Variants in CD300E observed in about 807,000 individuals in gnomAD.
The protein encoded by CD300E is CMRF35-like molecule 2.
A neutral mutation model predicts 20.9 loss-of-function variants in CD300E; 14 were observed. The observed-to-expected ratio is 0.67, with a 90% CI of 0.44 to 1.05. CD300E has a LOEUF of 1.05. Ranked by LOEUF, CD300E falls within the 50% of genes least tolerant of loss-of-function variation. CD300E has a pLI of 0.00. For synonymous variants in CD300E, 102 were observed against 103.7 expected (o/e 0.98, Z 0.10); for missense variants, 237 against 253.9 (o/e 0.93, Z 0.45).
chr17:74,620,431 A>G (rs1422630381), intron 1 of CD300E, among the ~76,000 whole-genome samples: 1 of 152,174 alleles, frequency 6.6e-6, no homozygotes, highest in Non-Finnish European at 1.5e-5. Flanking sequence ...AGATCACGCC[A>G]TGCACTCTAG....
intron 1 of CD300E, chr17:74,619,108 C>A (rs1462784050): frequency 2.1e-6 from 1 of 471,294 alleles, no homozygotes; most frequent in Non-Finnish European, 4.4e-6. Flanking sequence ...TCCTCCCTTC[C>A]ACCTGCCCCC....
chr17:74,612,478 G>T lies in CD300E; in HGVS notation c.*175C>A, dbSNP rs907772634. On this transcript the variant is annotated 3_prime_UTR_variant, in exon 4 of 4. Coordinates refer to ENST00000392619, the MANE Select transcript of CD300E (RefSeq NM_181449.3). Reference sequence around the variant, plus strand: ...GAGGAGAAAGGAGGACCCCCAAGCTGCACATTGAGGACTCCAGAGGAGTGT... The same window carrying T: ...GAGGAGAAAGGAGGACCCCCAAGCTTCACATTGAGGACTCCAGAGGAGTGT... 5.3e-6 allele frequency: 4 copies of T among 751,112 alleles called. No individual in the cohort carries two copies. In the African/African-American group the frequency reaches 5.3e-5, roughly 10 times the overall value. 46.5% of individuals were successfully genotyped at this position (751,112 alleles called of 1,614,324 possible). A position where few individuals can be genotyped will look rare whatever the true frequency, so the allele number is the denominator to read the frequency against.
intron 2 of CD300E, among the ~76,000 whole-genome samples, chr17:74,614,762 G>A (rs371934079): frequency 7.2e-5 from 11 of 152,238 alleles, no homozygotes; most frequent in Middle Eastern, 3.4e-3. Flanking sequence ...GATTACAGGC[G>A]TGAGCCACCG....
chr17:74,613,022 T>A (rs969425503), intron 3 of CD300E, among the ~76,000 whole-genome samples: 4 of 151,916 alleles, frequency 2.6e-5, no homozygotes, highest in African/African-American at 9.7e-5. Context: ...CTTCCAGGAG[T>A]GCGCTCCACA....
chr17:74,617,579 G>A, intron 1 of CD300E, 114 bp from the exon 2 acceptor site: 2 of 818,046 alleles, frequency 2.4e-6, no homozygotes, highest in African/African-American at 1.7e-5. Flanking sequence ...TCCTGGGAGG[G>A]GAACCTGGAG....
chr17:74,612,694 A>T lies in CD300E; in HGVS notation c.577T>A (p.Phe193Ile), dbSNP rs1466474947. The T allele has an allele frequency of 1.2e-6, 2 of 1,613,862 alleles. No individual in the cohort carries two copies. Among genetic ancestry groups the T allele is most frequent in the Non-Finnish European group, 1.7e-6 (2 of 1,179,986 alleles). Residue 193 changes from phenylalanine to isoleucine, a missense_variant, in exon 4 of 4, where the codon TTC becomes ATC. Transcript: ENST00000392619. ...GCCCACTGAGGCCTGTTCACCCAGA[A>T]GACAGCACCCAGCATGCTCAGGAGC... is the stretch of plus-strand genomic sequence containing the variant. Reference protein sequence around the residue: ...PLLLSMLGAVFWVNRPQWAPP... With the variant: ...PLLLSMLGAVIWVNRPQWAPP...
chr17:74,613,381 C>T (rs774170315), intron 3 of CD300E, among the ~76,000 whole-genome samples: 1 of 152,228 alleles, frequency 6.6e-6, no homozygotes, highest in Non-Finnish European at 1.5e-5. Context: ...GGATTGCAGG[C>T]GTGAGCCACC....
In CD300E at chr17:74,613,916, C is replaced by A. The variant is rs202175693; in HGVS notation, c.497+9G>T. 3 of 1,604,878 alleles carry A rather than the reference C, an allele frequency of 1.9e-6. No individual in the cohort carries two copies. Among genetic ancestry groups the A allele is most frequent in the East Asian group, 4.5e-5 (2 of 44,804 alleles). Reference sequence around the variant, plus strand: ...CTCCCTCCATGGCCTCCAGGCCCTGCGTGCTTACCCTGAATTTTGGGTCAA... The same window carrying A: ...CTCCCTCCATGGCCTCCAGGCCCTGAGTGCTTACCCTGAATTTTGGGTCAA... On this transcript the variant is annotated intron_variant, in intron 3 of 3. Coordinates refer to ENST00000392619, the MANE Select transcript of CD300E (RefSeq NM_181449.3).
intron 1 of CD300E, 101 bp from the exon 2 acceptor site, chr17:74,617,566 G>A (rs2030931974): frequency 4.0e-6 from 4 of 1,011,526 alleles, no homozygotes; most frequent in African/African-American, 1.6e-5. Context: ...AGACCTGGGT[G>A]TTTCCTGGGA....
At chr17:74,613,290 A>T (rs897623186) in intron 3 of CD300E, among the ~76,000 whole-genome samples, 2 of 152,116 alleles carry the variant, frequency 1.3e-5, no homozygotes, top group African/African-American at 4.8e-5. Context: ...CGTAGTAGAG[A>T]CAGGGTTTCA....
chr17:74,622,887 A>G (rs1199455725), intron 1 of CD300E, among the ~76,000 whole-genome samples: 1 of 152,100 alleles, frequency 6.6e-6, no homozygotes, highest in African/African-American at 2.4e-5. Context: ...ACAGGCATGC[A>G]TCACCACGCC....
At chr17:74,615,052 T>C (rs1196294095) in intron 2 of CD300E, among the ~76,000 whole-genome samples, 1 of 152,080 alleles carries the variant, frequency 6.6e-6, no homozygotes, top group East Asian at 1.9e-4. Context: ...CCCCACCCCG[T>C]TGGAGGGGCA....
chr17:74,613,368 T>C (rs193175847), intron 3 of CD300E, among the ~76,000 whole-genome samples: 1 of 152,292 alleles, frequency 6.6e-6, no homozygotes, highest in East Asian at 1.9e-4. Context: ...TCCCAAACTG[T>C]TGGGATTGCA....
At chr17:74,614,383 G>A (rs762957184) in intron 2 of CD300E, among the ~76,000 whole-genome samples, 1 of 152,120 alleles carries the variant, frequency 6.6e-6, no homozygotes, top group Non-Finnish European at 1.5e-5. Context: ...GGAGGGGAAG[G>A]AGGAGTCTAA....
At chr17:74,614,142 G>A in intron 2 of CD300E, 109 bp from the exon 3 acceptor site, 2 of 898,986 alleles carry the variant, frequency 2.2e-6, no homozygotes, top group African/African-American at 3.3e-5. Flanking sequence ...AGGCTGGAAA[G>A]ATCTTCTGAA....
chr17:74,616,162 G>C (rs2030894853), intron 2 of CD300E, among the ~76,000 whole-genome samples: 1 of 152,134 alleles, frequency 6.6e-6, no homozygotes, highest in African/African-American at 2.4e-5. Context: ...GAACGGGAGT[G>C]ATGGGGGCAA....
In CD300E at chr17:74,612,110, T is replaced by C. The variant is rs1230289313; in HGVS notation, c.*543A>G. The C allele has an allele frequency of 2.0e-5, 3 of 152,654 alleles. No homozygotes were observed. The highest frequency in any genetic ancestry group is 7.2e-5 in the African/African-American group (3 of 41,552). 9.5% of individuals were successfully genotyped at this position (152,654 alleles called of 1,614,324 possible). On this transcript the variant is annotated 3_prime_UTR_variant, in exon 4 of 4. Coordinates refer to ENST00000392619, the MANE Select transcript of CD300E (RefSeq NM_181449.3). ...TGCAGGAAGGAGGTAGTTATTGCCC[T>C]GGGGGAAACTGGCCTGAGAAGCATT...
intron 1 of CD300E, among the ~76,000 whole-genome samples, chr17:74,622,077 T>C (rs1271221548): frequency 1.3e-5 from 2 of 151,960 alleles, no homozygotes; most frequent in African/African-American, 4.8e-5. Context: ...GCACTGGGAT[T>C]ACAGGTGTGA....
chr17:74,610,025 T>G lies in CD300E; in HGVS notation c.*2628A>C, dbSNP rs1389356532. 1 of 152,336 alleles carries G rather than the reference T, an allele frequency of 6.6e-6. No individual in the cohort carries two copies. The highest frequency in any genetic ancestry group is 1.5e-5 in the Non-Finnish European group (1 of 68,050). 9.4% of individuals were successfully genotyped at this position (152,336 alleles called of 1,614,324 possible). ...CTGTTTGTTTCTCCTGCACCTGCTG[T>G]CTGCCATCTGTCTACTCTTTCTTAA... On this transcript the variant is annotated 3_prime_UTR_variant, in exon 4 of 4. Coordinates refer to ENST00000392619, the MANE Select transcript of CD300E (RefSeq NM_181449.3).
Sources: gnomAD v4.1 joint callset for allele counts (sites outside exome capture counted in the v4.1 genomes callset) on GRCh38, gnomAD v4.1.1 for gene constraint, MANE v1.5 for transcripts, NCBI Gene and HGNC (gene_info 2026-07-23, HGNC 2026-07-21) for gene names.